The following HLTF variants were observed in gnomAD, a reference collection of about 807,000 sequenced individuals.
HLTF encodes the protein DNA-dependent ATPase/E3 ubiquitin-protein ligase HLTF.
In HLTF, 127 loss-of-function variants were observed where a neutral mutation model predicts 129.4. The ratio of observed to expected loss-of-function variants is 0.98; its 90% CI spans 0.85 to 1.14. HLTF has a LOEUF of 1.14. Among genes scored for constraint, HLTF ranks in the 50% most tolerant of loss-of-function variants. The pLI, the probability that HLTF is intolerant of heterozygous loss-of-function variation, is 0.00. For missense variants in HLTF, 1,139 were observed against 1,187.1 expected (o/e 0.96, Z 0.60); for synonymous variants, 332 against 388.8 (o/e 0.85, Z 1.72).
intron 18 of HLTF, among the ~76,000 whole-genome samples, chr3:149,042,879 G>A (rs1716245619): frequency 6.6e-6 from 1 of 152,064 alleles, no homozygotes; most frequent in Non-Finnish European, 1.5e-5. Context: ...TCGGGGACAT[G>A]ATTGTGACCT....
Position 149,032,282 on chromosome 3 carries a change from GT to G in HLTF, c.2967del (p.Lys989AsnfsTer7), listed in dbSNP as rs1559849521. On this transcript the variant is annotated frameshift_variant, in exon 25 of 25. Transcript: ENST00000310053. LOFTEE classifies it high-confidence loss of function. ...ELAAGAFGTKKPNADEMKQAK... is the reference protein window; with the variant it reads ...ELAAGAFGTKXPNADEMKQAK... ...GCTTGTTTCATTTCGTCAGCATTTG[GT>G]TTTTTAGTTCCAAAGGCTCCTGCTG... is the stretch of plus-strand genomic sequence containing the variant. 1.9e-6 allele frequency: 3 copies of G among 1,597,746 alleles called. No individual in the cohort carries two copies. Among genetic ancestry groups the G allele is most frequent in the African/African-American group, 1.4e-5 (1 of 73,942 alleles).
At position 149,086,226 on chromosome 3, in the gene HLTF, G is replaced by T. The variant is rs78509339; in HGVS notation, c.20+91C>A. ...GAATACAGCTGCACAAATCGCCCAG[G>T]GAACGCAGAGGAACGCGGGGAAGGT... On this transcript the variant is annotated intron_variant, in intron 1 of 24. Coordinates refer to ENST00000310053, the MANE Select transcript of HLTF (RefSeq NM_003071.4). The T allele has an allele frequency of 3.8e-3, 5,007 of 1,318,486 alleles. 157 individuals carry two copies. The African/African-American group carries it at 0.063, about 17-fold the overall frequency. 81.7% of individuals were successfully genotyped at this position (1,318,486 alleles called of 1,614,324 possible). A position where few individuals can be genotyped will look rare whatever the true frequency, so the allele number is the denominator to read the frequency against.
chr3:149,078,033 C>A (rs964428466), intron 2 of HLTF, among the ~76,000 whole-genome samples: 1 of 152,040 alleles, frequency 6.6e-6, no homozygotes, highest in Non-Finnish European at 1.5e-5. Flanking sequence ...AACAAACACA[C>A]ACTAATTACA....
chr3:149,040,044 G>T lies in HLTF; in HGVS notation c.2489C>A (p.Thr830Lys), dbSNP rs958140776. 28 of 1,610,324 alleles carry T rather than the reference G, an allele frequency of 1.7e-5. No homozygotes were observed. Among genetic ancestry groups the T allele is most frequent in the Non-Finnish European group, 1.9e-5 (22 of 1,178,704 alleles). ...TGAGTACTTTACCTTTGAACTGGAT[G>T]TCCATTCCATATCAGACTTTTTCTC... is the stretch of plus-strand genomic sequence containing the variant. ...DSEKKSDMEW[T>K]SSSKINALMH... is the part of the protein sequence containing the mutation. The change falls in exon 21 of 25, where the codon ACA becomes AAA. Residue 830 changes from threonine to lysine, a missense_variant. Coordinates refer to ENST00000310053, the MANE Select transcript of HLTF (RefSeq NM_003071.4).
At chr3:149,075,332 T>C (rs373510868) in intron 3 of HLTF, among the ~76,000 whole-genome samples, 1 of 152,160 alleles carries the variant, frequency 6.6e-6, no homozygotes, top group South Asian at 2.1e-4. Flanking sequence ...GCAGATCACC[T>C]GAGGTCAGGA....
chr3:149,079,059 G>A (rs1342818060), intron 2 of HLTF, among the ~76,000 whole-genome samples: 2 of 151,948 alleles, frequency 1.3e-5, no homozygotes, highest in Non-Finnish European at 2.9e-5. Context: ...GCTGAAGATA[G>A]GTCAATTGAG....
intron 21 of HLTF, 56 bp from the exon 22 acceptor site, chr3:149,039,749 C>A: frequency 2.1e-6 from 2 of 954,834 alleles, no homozygotes; most frequent in Non-Finnish European, 3.1e-6. Context: ...TAAAATTAGT[C>A]TAAAAGTTTT....
At chr3:149,070,583 GA>G (rs1165278755) in intron 7 of HLTF, among the ~76,000 whole-genome samples, 1 of 152,160 alleles carries the variant, frequency 6.6e-6, no homozygotes, top group Non-Finnish European at 1.5e-5. Flanking sequence ...TACTGAGACT[GA>G]AAAATATAAA....
intron 20 of HLTF, 119 bp from the exon 21 acceptor site, chr3:149,040,275 C>G (rs1261375314): frequency 3.6e-6 from 3 of 830,742 alleles, no homozygotes; most frequent in Non-Finnish European, 5.7e-6. Flanking sequence ...TTTTATTAAA[C>G]CTTTTAATGG....
intron 20 of HLTF, among the ~76,000 whole-genome samples, chr3:149,040,630 C>T (rs1279864411): frequency 6.6e-6 from 1 of 151,940 alleles, no homozygotes; most frequent in Non-Finnish European, 1.5e-5. Context: ...ATCTGTTGTA[C>T]CCGTTTGAAC....
intron 14 of HLTF, among the ~76,000 whole-genome samples, chr3:149,052,929 G>C (rs977486505): frequency 6.6e-6 from 1 of 152,088 alleles, no homozygotes; most frequent in Non-Finnish European, 1.5e-5. Flanking sequence ...ACAGTGTTAG[G>C]CTCTACTGTA....
chr3:149,070,820 G>A (rs755719704), intron 7 of HLTF, among the ~76,000 whole-genome samples: 4 of 152,134 alleles, frequency 2.6e-5, no homozygotes, highest in Non-Finnish European at 5.9e-5. Context: ...CAAGGCGGGC[G>A]GATCACTTGA....
At position 149,032,381 on chromosome 3, in the gene HLTF, A is replaced by AT; in HGVS notation, c.2878-10_2878-9insA. On this transcript the variant is annotated splice_polypyrimidine_tract_variant and intron_variant, in intron 24 of 24. Transcript: ENST00000310053. ...GAGTCCTTTACAATGAACTTTAAAA[A>AT]GAAAAAAAAAAGTTAAGTAGTTTTT... The AT allele has an allele frequency of 6.9e-7, 1 of 1,446,826 alleles. No individual in the cohort carries two copies. The highest frequency in any genetic ancestry group is 9.3e-7 in the Non-Finnish European group (1 of 1,079,416). 89.6% of individuals were successfully genotyped at this position (1,446,826 alleles called of 1,614,324 possible).
rs1212061206 is a variant in HLTF at position 149,071,326 on chromosome 3, T to A, written c.820A>T (p.Thr274Ser). ...WEQRNDLYYN[T>S]ITNFSEKDRP... ...TCCTTCTCAGAAAAATTTGTTATTG[T>A]GTTATAGTATAAGTCATTTCGCTGT... The change falls in exon 7 of 25, where the codon ACA (threonine) becomes TCA (serine). Residue 274 changes from threonine (T) to serine (S), a missense_variant. Coordinates refer to ENST00000310053, the MANE Select transcript of HLTF (RefSeq NM_003071.4). 6.2e-7 allele frequency: 1 copy of A among 1,612,548 alleles called. No individual in the cohort carries two copies. The highest frequency in any genetic ancestry group is 1.3e-5 in the African/African-American group (1 of 74,904).
At position 149,072,471 on chromosome 3, in the gene HLTF, C is replaced by T. The variant is rs147790252; in HGVS notation, c.627+754G>A. Among the ~76,000 whole-genome samples the T allele has an allele frequency of 1.2e-3, 181 of 152,270 alleles. 2 individuals carry two copies. In the East Asian group the frequency reaches 0.028, roughly 23 times the overall value. Reference sequence around the variant, plus strand: ...GGAACTTGCCATGCACTATAGGATACTTTTATTATTATGCTAACTTAATTG... The same window carrying T: ...GGAACTTGCCATGCACTATAGGATATTTTTATTATTATGCTAACTTAATTG... On this transcript the variant is annotated intron_variant, in intron 5 of 24. Transcript: ENST00000310053.
chr3:149,062,355 T>C (rs1371620151), intron 10 of HLTF, among the ~76,000 whole-genome samples: 1 of 152,230 alleles, frequency 6.6e-6, no homozygotes, highest in African/African-American at 2.4e-5. Flanking sequence ...ACATTTGTCA[T>C]TTATCTAAAT....
At position 149,059,747 on chromosome 3, in the gene HLTF, G is replaced by C. The variant is rs761233854; in HGVS notation, c.1346C>G (p.Pro449Arg). ...AFACALTSSV[P>R]TTKKKMLKKG... ...TTTCAACATTTTCTTTTTTGTTGTAGGAACAGATGAAGTTAATGCACATGC... is the reference window on the plus strand; with the variant it reads ...TTTCAACATTTTCTTTTTTGTTGTACGAACAGATGAAGTTAATGCACATGC... Residue 449 changes from proline to arginine, a missense_variant, in exon 13 of 25, where the codon CCT (proline) becomes CGT (arginine). Transcript: ENST00000310053. The C allele has an allele frequency of 3.1e-6, 5 of 1,597,916 alleles. No homozygotes were observed. The South Asian group carries it at 5.7e-5, about 18-fold the overall frequency.
intron 18 of HLTF, among the ~76,000 whole-genome samples, chr3:149,043,014 G>C (rs1197517300): frequency 6.6e-6 from 1 of 150,864 alleles, no homozygotes; most frequent in East Asian, 1.9e-4. Context: ...AAACTCAGCA[G>C]AAAAATGTTG....
intron 10 of HLTF, 140 bp from the exon 11 acceptor site, chr3:149,060,998 T>C: frequency 6.4e-6 from 4 of 627,782 alleles, no homozygotes; most frequent in Non-Finnish European, 1.1e-5. Flanking sequence ...TTTTGACAAA[T>C]GAAAGTCAGA....
Sources: allele counts gnomAD v4.1 joint callset (sites outside exome capture counted in the v4.1 genomes callset), GRCh38; gene constraint gnomAD v4.1.1; transcripts MANE v1.5; gene names NCBI Gene and HGNC (gene_info 2026-07-23, HGNC 2026-07-21).